SAMD4A: variants seen among roughly 807,000 people sequenced by gnomAD.
The protein encoded by SAMD4A is protein Smaug homolog 1.
SAMD4A carries 33 observed loss-of-function variants against 81.3 expected under a neutral mutation model. That is an observed-to-expected ratio of 0.41 (90% confidence interval 0.31 to 0.54). The LOEUF (loss-of-function observed/expected upper bound fraction) is 0.54. Among genes scored for constraint, SAMD4A ranks in the 20% least tolerant of loss-of-function variants. The pLI is 0.37. For synonymous variants in SAMD4A, 389 were observed against 382.1 expected (o/e 1.02, Z -0.21); for missense variants, 854 against 951.1 (o/e 0.90, Z 1.34).
chr14:54,710,814 G>C (rs966423955), intron 3 of SAMD4A, among the ~76,000 whole-genome samples: 1 of 152,200 alleles, frequency 6.6e-6, no homozygotes, highest in Non-Finnish European at 1.5e-5. Context: ...CCGACTGTGA[G>C]CTCCTTGGGG....
At chr14:54,702,820 C>A in intron 3 of SAMD4A, 1 of 483,906 alleles carries the variant, frequency 2.1e-6, no homozygotes, top group Non-Finnish European at 3.7e-6. Flanking sequence ...ATAAACAGAC[C>A]AAAAATAAAT....
At chr14:54,710,705 C>T (rs1013144352) in intron 3 of SAMD4A, among the ~76,000 whole-genome samples, 2 of 152,154 alleles carry the variant, frequency 1.3e-5, no homozygotes, top group Non-Finnish European at 2.9e-5. Flanking sequence ...CTCTGTGACT[C>T]TCTGAAGCAG....
intron 3 of SAMD4A, among the ~76,000 whole-genome samples, chr14:54,719,494 T>G (rs1266276424): frequency 6.6e-6 from 1 of 152,140 alleles, no homozygotes; most frequent in African/African-American, 2.4e-5. Flanking sequence ...AAGGGAGAAT[T>G]AGGACAAATG....
At chr14:54,764,184 C>CTCTTATTGCAGTG (rs1171922392) in intron 7 of SAMD4A, among the ~76,000 whole-genome samples, 1 of 152,154 alleles carries the variant, frequency 6.6e-6, no homozygotes, top group Non-Finnish European at 1.5e-5. Context: ...TGTGTTCTTC[C>CTCTTATTGCAGTG]TCTTATTGCA....
intron 2 of SAMD4A, among the ~76,000 whole-genome samples, chr14:54,674,025 G>T (rs1297079042): frequency 6.6e-6 from 1 of 152,200 alleles, no homozygotes; most frequent in Non-Finnish European, 1.5e-5. Context: ...TCGGGGGAGT[G>T]ATGAAAATTC....
intron 2 of SAMD4A, among the ~76,000 whole-genome samples, chr14:54,635,426 AAATAAT>A (rs958039741): frequency 1.3e-5 from 2 of 151,518 alleles, no homozygotes; most frequent in Non-Finnish European, 2.9e-5. Flanking sequence ...ACTCCATCTC[AAATAAT>A]AATAATAATA....
At chr14:54,692,605 T>C (rs2036468964) in intron 2 of SAMD4A, among the ~76,000 whole-genome samples, 1 of 152,140 alleles carries the variant, frequency 6.6e-6, no homozygotes, top group African/African-American at 2.4e-5. Context: ...TAAGGTACTA[T>C]TGGAGTGTCA....
At chr14:54,601,069 C>T (rs1038895293) in intron 2 of SAMD4A, among the ~76,000 whole-genome samples, 2 of 152,164 alleles carry the variant, frequency 1.3e-5, no homozygotes, top group African/African-American at 4.8e-5. Context: ...GGGGACTATG[C>T]CATAAATTCC....
chr14:54,702,641 T>A, intron 3 of SAMD4A, 61 bp downstream of exon 3: 1 of 1,561,692 alleles, frequency 6.4e-7, no homozygotes, highest in Admixed American at 1.7e-5. Flanking sequence ...GTATGTGGCA[T>A]GTCCTGCTGA....
At chr14:54,707,435 A>G (rs1039052225) in intron 3 of SAMD4A, among the ~76,000 whole-genome samples, 1 of 151,946 alleles carries the variant, frequency 6.6e-6, no homozygotes, top group African/African-American at 2.4e-5. Context: ...TCATTTTTTC[A>G]TTCACCTAGA....
intron 2 of SAMD4A, among the ~76,000 whole-genome samples, chr14:54,580,736 C>G (rs2033440065): frequency 6.6e-6 from 1 of 152,212 alleles, no homozygotes; most frequent in Admixed American, 6.5e-5. Context: ...TAGCACTAGT[C>G]TCAAGGTACT....
intron 11 of SAMD4A, among the ~76,000 whole-genome samples, chr14:54,779,815 C>T (rs2038955368): frequency 6.6e-6 from 1 of 152,026 alleles, no homozygotes; most frequent in Non-Finnish European, 1.5e-5. Context: ...AGCCAGGAGA[C>T]CCTTCAGGTG....
chr14:54,779,257 A>G (rs899479102), intron 11 of SAMD4A, among the ~76,000 whole-genome samples: 1 of 152,256 alleles, frequency 6.6e-6, no homozygotes, highest in Non-Finnish European at 1.5e-5. Context: ...AAAATCAGGA[A>G]GTCAGAAAGT....
At chr14:54,674,818 G>A (rs1158787506) in intron 2 of SAMD4A, among the ~76,000 whole-genome samples, 2 of 152,166 alleles carry the variant, frequency 1.3e-5, no homozygotes, top group Non-Finnish European at 2.9e-5. Context: ...CATGATCACG[G>A]CTCACAGCAG....
At chr14:54,633,468 A>G (rs1170263546) in intron 2 of SAMD4A, among the ~76,000 whole-genome samples, 3 of 152,106 alleles carry the variant, frequency 2.0e-5, no homozygotes, top group Non-Finnish European at 4.4e-5. Context: ...ACATTGTAAG[A>G]TCACTCTGGA....
At chr14:54,698,948 G>A (rs1054545092) in intron 2 of SAMD4A, among the ~76,000 whole-genome samples, 2 of 149,932 alleles carry the variant, frequency 1.3e-5, no homozygotes, top group African/African-American at 4.9e-5. Flanking sequence ...TTTTTAGGTT[G>A]ACCTTTTGTG....
chr14:54,656,782 C>T (rs2035529350), intron 2 of SAMD4A, among the ~76,000 whole-genome samples: 1 of 152,084 alleles, frequency 6.6e-6, no homozygotes, highest in Non-Finnish European at 1.5e-5. Flanking sequence ...TGCCCGCCAC[C>T]ATGCCCAGCT....
At chr14:54,721,112 G>A (rs964567042) in intron 3 of SAMD4A, among the ~76,000 whole-genome samples, 4 of 152,128 alleles carry the variant, frequency 2.6e-5, no homozygotes, top group Non-Finnish European at 4.4e-5. Context: ...GCATAAATTG[G>A]CAGTCTATTT....
At chr14:54,776,940 C>G (rs1348242000) in intron 11 of SAMD4A, among the ~76,000 whole-genome samples, 1 of 151,974 alleles carries the variant, frequency 6.6e-6, no homozygotes, top group Non-Finnish European at 1.5e-5. Flanking sequence ...TGAGACCTTC[C>G]CCCTGGTTTG....
Sources: allele counts gnomAD v4.1 joint callset (sites outside exome capture counted in the v4.1 genomes callset), GRCh38; gene constraint gnomAD v4.1.1; transcripts MANE v1.5; gene names NCBI Gene and HGNC (gene_info 2026-07-23, HGNC 2026-07-21).